ZNF43: variants seen among roughly 807,000 people sequenced by gnomAD.
ZNF43 encodes zinc finger protein 39-like 1 (KOX 27).
Under a neutral mutation model 68.4 loss-of-function variants are expected in ZNF43, and 44 were observed. The ratio of observed to expected loss-of-function variants is 0.64; its 90% CI spans 0.51 to 0.83. ZNF43 has a LOEUF of 0.83. Ranked by LOEUF, ZNF43 falls within the 40% of genes least tolerant of loss-of-function variation. The pLI is 0.00. For missense variants in ZNF43, 896 were observed against 933.2 expected, an observed-to-expected ratio of 0.96 and a Z score of 0.52; for synonymous variants, 308 against 307.8, an observed-to-expected ratio of 1.00 and a Z score of -0.01.
chr19:21,810,936 G>A (rs1447861605), intron 3 of ZNF43, among the ~76,000 whole-genome samples: 1 of 151,426 alleles, frequency 6.6e-6, no homozygotes, highest in African/African-American at 2.4e-5. Flanking sequence ...GTAAGATCCT[G>A]TCTCAAAACA....
At chr19:21,843,283 C>T in intron 1 of ZNF43, 1 of 807,238 alleles carries the variant, frequency 1.2e-6, no homozygotes, top group Non-Finnish European at 1.5e-6. Context: ...GCAGGAGAGT[C>T]AAATCGCTCA....
At chr19:21,838,943 C>T (rs1232988591), upstream of ZNF43, 1 of 152,134 alleles carries the variant, frequency 6.6e-6, no homozygotes, top group East Asian at 1.9e-4. Flanking sequence ...GTAATCTTCT[C>T]TGTTAGCAGG....
intron 1 of ZNF43, among the ~76,000 whole-genome samples, chr19:21,826,138 G>A (rs536414882): frequency 2.8e-4 from 43 of 152,220 alleles, no homozygotes; most frequent in Admixed American, 5.2e-4. Context: ...TTCTAGAAGC[G>A]ACTACAGTTA....
upstream of ZNF43, chr19:21,836,278 T>A: frequency 7.5e-7 from 1 of 1,325,754 alleles, no homozygotes; most frequent in Non-Finnish European, 9.7e-7. Flanking sequence ...GGATAACTTC[T>A]AAGGTCCTGC....
Position 21,808,393 on chromosome 19 carries a change from G to C in ZNF43, c.1644C>G (p.Asn548Lys). 1 of 1,611,066 alleles carries C rather than the reference G, an allele frequency of 6.2e-7. No homozygotes were observed. The highest frequency in any genetic ancestry group is 8.5e-7 in the Non-Finnish European group (1 of 1,179,326). The change falls in exon 4 of 4, where the codon AAC becomes AAG. Residue 548 changes from asparagine to lysine, a missense_variant. Asn to Lys is a moderately conservative substitution (Grantham distance 94). Coordinates refer to ENST00000354959, the MANE Select transcript of ZNF43 (RefSeq NM_003423.4). ...YKCEECGKAF[N>K]HFSILTKHKR... ...TATGTTTGGTAAGGATTGAGAAATG[G>C]TTAAAAGCTTTGCCACATTCTTCAC...
At chr19:21,830,907 A>G (rs78612416) in intron 1 of ZNF43, among the ~76,000 whole-genome samples, 3,824 of 152,334 alleles carry the variant, frequency 0.025, 56 homozygotes, top group Non-Finnish European at 0.036. Context: ...ATCTACTATG[A>G]TCAAGTAGCC....
rs942950800 is a variant in ZNF43 at position 21,807,346 on chromosome 19, T to C, written c.*261A>G. On this transcript the variant is annotated 3_prime_UTR_variant, in exon 4 of 4. Coordinates refer to ENST00000354959, the MANE Select transcript of ZNF43 (RefSeq NM_003423.4). ...ACTAGTTGCATCTATAATGGTTTTA[T>C]TAAGTACAGACTCTCTGATGTTGAG... The C allele has an allele frequency of 3.5e-6, 1 of 285,142 alleles. No homozygotes were observed. Among genetic ancestry groups the C allele is most frequent in the Non-Finnish European group, 6.5e-6 (1 of 153,808 alleles). 17.7% of individuals were successfully genotyped at this position (285,142 alleles called of 1,614,324 possible).
rs925001977 is a variant in ZNF43 at position 21,836,072 on chromosome 19, TG to T, written c.-35del. ...TTCCGGGGGGTCCTGGCGTCTTAGC[TG>T]TGGATCCCCCAATACCCGCAGGTCA... On this transcript the variant is annotated 5_prime_UTR_variant, in exon 1 of 4. Transcript: ENST00000354959. The T allele has an allele frequency of 1.2e-6, 2 of 1,613,504 alleles. No homozygotes were observed. Among genetic ancestry groups the T allele is most frequent in the African/African-American group, 2.7e-5 (2 of 74,878 alleles).
chr19:21,816,764 C>T (rs996526951), intron 3 of ZNF43, among the ~76,000 whole-genome samples: 1 of 152,178 alleles, frequency 6.6e-6, no homozygotes, highest in African/African-American at 2.4e-5. Context: ...CGCACTCATC[C>T]ACAACCTGAT....
chr19:21,819,130 A>T lies in ZNF43; in HGVS notation c.95T>A (p.Val32Glu), dbSNP rs2037672233. The change falls in exon 2 of 4, where the codon GTG (valine) becomes GAG (glutamate). Residue 32 changes from valine to glutamate, a missense_variant. By Grantham distance (121) the Val-to-Glu change is moderately radical. Coordinates refer to ENST00000354959, the MANE Select transcript of ZNF43 (RefSeq NM_003423.4). ...CAGGTTTCTGTAGTTCTCTAACATCACATTCCTATATAAATTCTGCTGTGC... is the reference window on the plus strand; with the variant it reads ...CAGGTTTCTGTAGTTCTCTAACATCTCATTCCTATATAAATTCTGCTGTGC... The part of the protein sequence containing the change: ...DIAQQNLYRN[V>E]MLENYRNLVF... 6.2e-7 allele frequency: 1 copy of T among 1,611,682 alleles called. No individual in the cohort carries two copies. The highest frequency in any genetic ancestry group is 8.5e-7 in the Non-Finnish European group (1 of 1,179,016).
chr19:21,843,923 G>A (rs560246853), intron 1 of ZNF43, among the ~76,000 whole-genome samples: 1 of 152,304 alleles, frequency 6.6e-6, no homozygotes, highest in African/African-American at 2.4e-5. Flanking sequence ...CAGAGCTTCA[G>A]AAGTAGGTTA....
chr19:21,847,353 C>T (rs1262109982), intron 1 of ZNF43, among the ~76,000 whole-genome samples: 1 of 152,180 alleles, frequency 6.6e-6, no homozygotes, highest in South Asian at 2.1e-4. Flanking sequence ...ATAAGAGTCA[C>T]ATCACCTTGA....
At chr19:21,850,984 G>C (rs982030269) in intron 1 of ZNF43, 9 of 152,226 alleles carry the variant, frequency 5.9e-5, no homozygotes, top group African/African-American at 2.2e-4. Flanking sequence ...CACATGTCCA[G>C]GTTCCAGGTA....
In ZNF43 at chr19:21,809,370, TTC is replaced by T. The variant is rs2037163624; in HGVS notation, c.665_666del (p.Arg222AsnfsTer2). 4.3e-6 allele frequency: 7 copies of T among 1,613,620 alleles called. No homozygotes were observed. The East Asian group carries it at 1.6e-4, about 36-fold the overall frequency. On this transcript the variant is annotated frameshift_variant, in exon 4 of 4. Coordinates refer to ENST00000354959, the MANE Select transcript of ZNF43 (RefSeq NM_003423.4). LOFTEE classifies it high-confidence loss of function. ...NCPSIITKHK[R>X]INTGEKPYTC... is the part of the protein sequence containing the mutation. ...GTGTAGGGTTTCTCTCCAGTATTAA[TTC>T]TCTTATGTTTAGTGATGATTGAAGG...
Position 21,805,196 on chromosome 19 carries a change from T to C in ZNF43, c.*2411A>G, listed in dbSNP as rs1870472698. On this transcript the variant is annotated 3_prime_UTR_variant, in exon 4 of 4. Transcript: ENST00000354959. ...TATATACACATTTGGCCAGGTGCAG[T>C]GGCTCATGCCTGTGGTCCCAGAACT... The C allele has an allele frequency of 6.6e-6, 1 of 152,228 alleles. No homozygotes were observed. The highest frequency in any genetic ancestry group is 1.5e-5 in the Non-Finnish European group (1 of 68,050). 9.4% of individuals were successfully genotyped at this position (152,228 alleles called of 1,614,324 possible).
chr19:21,836,200 C>T, upstream of ZNF43: 1 of 1,507,472 alleles, frequency 6.6e-7, no homozygotes, highest in Non-Finnish European at 8.9e-7. Context: ...CCGCCACATC[C>T]CGGAAGCCGC....
chr19:21,820,623 A>G (rs906600814), intron 1 of ZNF43, among the ~76,000 whole-genome samples: 1 of 151,906 alleles, frequency 6.6e-6, no homozygotes, highest in African/African-American at 2.4e-5. Context: ...TTAGGGAAAG[A>G]GTCTGTCAGA....
chr19:21,824,310 G>C (rs2038003517), intron 1 of ZNF43, among the ~76,000 whole-genome samples: 1 of 152,148 alleles, frequency 6.6e-6, no homozygotes, highest in Non-Finnish European at 1.5e-5. Context: ...TTATGGGTAG[G>C]TATAGCTGTG....
intron 1 of ZNF43, chr19:21,841,201 C>CCAA (rs1161716576): frequency 6.6e-6 from 1 of 152,260 alleles, no homozygotes; most frequent in African/African-American, 2.4e-5. Flanking sequence ...CTGCTATGGA[C>CCAA]TGGTTTGTGG....
Sources: allele counts gnomAD v4.1 joint callset (sites outside exome capture counted in the v4.1 genomes callset), GRCh38; gene constraint gnomAD v4.1.1; transcripts MANE v1.5; gene names NCBI Gene and HGNC (gene_info 2026-07-23, HGNC 2026-07-21).